Variants in FCGR2B observed in about 807,000 individuals in gnomAD.
FCGR2B encodes low affinity immunoglobulin gamma Fc region receptor II-b.
In FCGR2B, 18 loss-of-function variants were observed where a neutral mutation model predicts 24.8. The ratio of observed to expected loss-of-function variants is 0.73; its 90% CI spans 0.50 to 1.08. FCGR2B has a LOEUF of 1.08. Among genes scored for constraint, FCGR2B ranks in the 50% least tolerant of loss-of-function variants. The pLI is 0.00. For missense variants in FCGR2B, 215 were observed against 297.6 expected (o/e 0.72, Z 2.04); for synonymous variants, 79 against 109.8 (o/e 0.72, Z 1.75).
chr1:161,651,988 G>C, the FCGR2B span, among the ~76,000 whole-genome samples: 1 of 105,684 alleles, frequency 9.5e-6, no homozygotes, highest in African/African-American at 3.1e-5. Context: ...AGATCTATGG[G>C]CATTTTAATA....
the FCGR2B span, among the ~76,000 whole-genome samples, chr1:161,647,370 G>A: frequency 1.5e-4 from 22 of 143,338 alleles, 1 homozygote; most frequent in Admixed American, 4.3e-4. Flanking sequence ...GTGTGATTTC[G>A]GCTCACTGCA....
the FCGR2B span, among the ~76,000 whole-genome samples, chr1:161,656,059 G>A: frequency 2.3e-5 from 3 of 132,886 alleles, no homozygotes; most frequent in African/African-American, 7.8e-5. Context: ...GTTTCACCAT[G>A]TTGGCCAGGC....
chr1:161,652,199 A>G, the FCGR2B span, among the ~76,000 whole-genome samples: 1 of 130,896 alleles, frequency 7.6e-6, no homozygotes, highest in African/African-American at 2.6e-5. Context: ...CTTCTCTCCC[A>G]TTCTTTCTCT....
At chr1:161,675,736 T>C (rs930167688) in intron 6 of FCGR2B, 64 of 236,742 alleles carry the variant, frequency 2.7e-4, no homozygotes, top group African/African-American at 6.2e-4. Flanking sequence ...GGAAACCCCT[T>C]GATTTGCTGA....
intron 4 of FCGR2B, chr1:161,673,443 T>C: frequency 1.3e-6 from 1 of 753,248 alleles, no homozygotes. Flanking sequence ...GACCAGGCTG[T>C]TGTTCCACTT....
intron 2 of FCGR2B, among the ~76,000 whole-genome samples, chr1:161,671,138 GTA>G (rs1681611748): frequency 6.6e-6 from 1 of 152,190 alleles, no homozygotes; most frequent in African/African-American, 2.4e-5. Flanking sequence ...TAAAGTATAT[GTA>G]TTTCGAGGGT....
intron 5 of FCGR2B, chr1:161,674,976 G>C: frequency 2.5e-6 from 1 of 399,926 alleles, no homozygotes; most frequent in Non-Finnish European, 4.5e-6. Flanking sequence ...CTGAGACACA[G>C]GGGTGTTTTT....
At chr1:161,671,006 T>C (rs1372324929) in intron 2 of FCGR2B, among the ~76,000 whole-genome samples, 1 of 151,910 alleles carries the variant, frequency 6.6e-6, no homozygotes, top group Non-Finnish European at 1.5e-5. Context: ...CTAAATGCCT[T>C]TGTTTATCGG....
At chr1:161,671,863 G>A (rs1681696216) in intron 3 of FCGR2B, 3 of 918,476 alleles carry the variant, frequency 3.3e-6, no homozygotes, top group Non-Finnish European at 4.8e-6. Flanking sequence ...TGTGAGAGAA[G>A]CAGAAGGAAA....
At chr1:161,677,019 C>G (rs564978225) in intron 6 of FCGR2B, 109 of 441,300 alleles carry the variant, frequency 2.5e-4, no homozygotes, top group African/African-American at 2.1e-3. Context: ...CACCTCTTCC[C>G]CAATATCTCA....
At position 161,677,891 on chromosome 1, in the gene FCGR2B, A is replaced by G. The variant is rs1467380453; in HGVS notation, c.*338A>G. 1.8e-5 allele frequency: 5 copies of G among 284,250 alleles called. No individual in the cohort carries two copies. Among genetic ancestry groups the G allele is most frequent in the Non-Finnish European group, 3.3e-5 (5 of 153,698 alleles). The allele number at this position is 284,250 out of a possible 1,614,324, so 17.6% of individuals were successfully genotyped here. A position where few individuals can be genotyped will look rare whatever the true frequency, so the allele number is the denominator to read the frequency against. On this transcript the variant is annotated 3_prime_UTR_variant, in exon 8 of 8. Coordinates refer to ENST00000358671, the MANE Select transcript of FCGR2B (RefSeq NM_001394477.1). ...CTTATGTTACAGGTTACGTGAGAAC[A>G]ATCATGTAAATCTATATGATTTCAG...
chr1:161,676,420 C>T (rs1682139229), intron 6 of FCGR2B: 1 of 181,702 alleles, frequency 5.5e-6, no homozygotes, highest in Non-Finnish European at 1.2e-5. Context: ...ACTGGATTAT[C>T]CATCTTGTTG....
At position 161,671,193 on chromosome 1, in the gene FCGR2B, G is replaced by T. The variant is rs61160157; in HGVS notation, c.134-199G>T. Among the ~76,000 whole-genome samples the T allele has an allele frequency of 2.5e-3, 387 of 152,166 alleles. 6 individuals are homozygous for T. In the South Asian group the frequency reaches 0.031, roughly 12 times the overall value. On this transcript the variant is annotated intron_variant, in intron 2 of 7. Transcript: ENST00000358671. Reference sequence around the variant, plus strand: ...CCTCCTTCTTCCCTGTTGCCCTGTCGGAGTCCTGGGCTCCCTGGGGCCGTT... The same window carrying T: ...CCTCCTTCTTCCCTGTTGCCCTGTCTGAGTCCTGGGCTCCCTGGGGCCGTT...
intron 2 of FCGR2B, among the ~76,000 whole-genome samples, 184 bp from the exon 3 acceptor site, chr1:161,671,208 C>T (rs1377335114): frequency 6.6e-6 from 1 of 152,156 alleles, no homozygotes; most frequent in East Asian, 1.9e-4. Flanking sequence ...CCTGGGCTCC[C>T]TGGGGCCGTT....
chr1:161,677,203 A>C, intron 6 of FCGR2B, 125 bp from the exon 7 acceptor site: 1 of 910,190 alleles, frequency 1.1e-6, no homozygotes, highest in Non-Finnish European at 1.8e-6. Context: ...CTAGAGGCCC[A>C]AGACAGGGTC....
At chr1:161,675,514 G>A in intron 6 of FCGR2B, 1 of 471,456 alleles carries the variant, frequency 2.1e-6, no homozygotes, top group East Asian at 3.6e-5. Flanking sequence ...GAGATGAGAA[G>A]AGAAACACCA....
intron 3 of FCGR2B, chr1:161,671,883 C>T (rs1681697837): frequency 2.7e-6 from 2 of 745,090 alleles, no homozygotes; most frequent in East Asian, 2.8e-5. Flanking sequence ...ATCCCTACTG[C>T]ATAAAACCCA....
Position 161,677,536 on chromosome 1 carries a change from G to T in FCGR2B, c.916G>T (p.Asp306Tyr). Residue 306 changes from aspartate to tyrosine, a missense_variant, in exon 8 of 8, where the codon GAC (aspartate) becomes TAC (tyrosine). Asp to Tyr is a radical substitution (Grantham distance 160, BLOSUM62 -3). This residue lies in a region of FCGR2B where 81 missense variants were observed against 81.6 expected (regional missense o/e 0.99). Transcript: ENST00000358671. ...CCCGGATGCTCTGGAAGAGCCTGAT[G>T]ACCAGAACCGTATTTAGTCTCCATT... Reference protein sequence around the residue: ...MHPDALEEPDDQNRI With the variant: ...MHPDALEEPDYQNRI 6.2e-7 allele frequency: 1 copy of T among 1,612,674 alleles called. No homozygotes were observed. The highest frequency in any genetic ancestry group is 1.1e-5 in the South Asian group (1 of 91,018).
At chr1:161,648,482 C>T in the FCGR2B span, among the ~76,000 whole-genome samples, 1 of 149,472 alleles carries the variant, frequency 6.7e-6, no homozygotes, top group Non-Finnish European at 1.5e-5. Context: ...GACTTATTAT[C>T]TTTTTATGTG....
Sources: allele counts gnomAD v4.1 joint callset (sites outside exome capture counted in the v4.1 genomes callset), GRCh38; gene constraint gnomAD v4.1.1; regional missense constraint gnomAD v4.1.1; transcripts MANE v1.5; gene names NCBI Gene and HGNC (gene_info 2026-07-23, HGNC 2026-07-21).